Variants in CUL1 observed in about 807,000 individuals in gnomAD.
CUL1 encodes cullin 1.
CUL1 carries 24 observed loss-of-function variants against 118.0 expected under a neutral mutation model. The observed-to-expected ratio is 0.20, with a 90% CI of 0.15 to 0.29. CUL1 has a LOEUF of 0.29. Ranked by LOEUF, CUL1 falls within the 10% of genes least tolerant of loss-of-function variation. CUL1 has a pLI of 1.00. For synonymous variants in CUL1, 332 were observed against 340.4 expected (o/e 0.98, Z 0.27); for missense variants, 361 against 933.8 (o/e 0.39, Z 7.99).
chr7:148,774,998 A>G lies in CUL1; in HGVS notation c.1083+7249A>G, dbSNP rs7794811. 7.2e-3 allele frequency among the ~76,000 whole-genome samples: 1,092 copies of G among 152,334 alleles called. 21 individuals carry two copies. The highest frequency in any genetic ancestry group is 0.023 in the African/African-American group (960 of 41,576). On this transcript the variant is annotated intron_variant, in intron 9 of 21. Transcript: ENST00000325222. Reference sequence around the variant, plus strand: ...GGTAGCTCCGGCAAGTTATTTTTCAATGGAAGACTAAGGGGTAGATCCGAG... The same window carrying G: ...GGTAGCTCCGGCAAGTTATTTTTCAGTGGAAGACTAAGGGGTAGATCCGAG...
At position 148,757,392 on chromosome 7, in the gene CUL1, C is replaced by A. The variant is rs570763256; in HGVS notation, c.483+242C>A. ...TTCTGCATTTGCTTTTTAAAAATTT[C>A]TTCTTTAATTACCTGACCCTACCAT... On this transcript the variant is annotated intron_variant, in intron 4 of 21. Transcript: ENST00000325222. Among the ~76,000 whole-genome samples the A allele has an allele frequency of 1.1e-4, 17 of 152,168 alleles. No homozygotes were observed. The East Asian group carries it at 2.3e-3, about 21-fold the overall frequency.
intron 1 of CUL1, among the ~76,000 whole-genome samples, chr7:148,723,907 A>G (rs913415021): frequency 2.6e-5 from 4 of 152,006 alleles, no homozygotes; most frequent in Non-Finnish European, 4.4e-5. Flanking sequence ...AGTTTGAGGG[A>G]AGATGTTTTA....
rs771024243 is a variant in CUL1, at chr7:148,757,150, G to A, written c.483G>A (p.Ser161=). Residue 161 remains serine, a splice_region_variant and synonymous_variant, in exon 4 of 22, where the codon TCG becomes TCA. Transcript: ENST00000325222. ...EGRKGIYEIY[S]LALVTWRDCL... ...GAAAAGGAATATATGAAATCTATTCGGTAAGAGTTTTGTTTTAAAACGTTT... is the reference window on the plus strand; with the variant it reads ...GAAAAGGAATATATGAAATCTATTCAGTAAGAGTTTTGTTTTAAAACGTTT... 1.0e-5 allele frequency: 15 copies of A among 1,494,418 alleles called. No individual in the cohort carries two copies. The highest frequency in any genetic ancestry group is 2.5e-5 in the East Asian group (1 of 40,378). The allele number at this position is 1,494,418 out of a possible 1,614,324, so 92.6% of individuals were successfully genotyped here. A position where few individuals can be genotyped will look rare whatever the true frequency, so the allele number is the denominator to read the frequency against.
intron 12 of CUL1, 114 bp downstream of exon 12, chr7:148,786,713 T>A (rs932725032): frequency 1.0e-6 from 1 of 956,352 alleles, no homozygotes; most frequent in African/African-American, 1.7e-5. Flanking sequence ...TTGATTTTAT[T>A]TTGAATCTCT....
At chr7:148,725,200 C>T (rs1028289194) in intron 1 of CUL1, among the ~76,000 whole-genome samples, 1 of 120,158 alleles carries the variant, frequency 8.3e-6, no homozygotes, top group South Asian at 2.7e-4. Flanking sequence ...CGCGCGTGTA[C>T]ACACACACAC....
chr7:148,708,909 A>G lies in CUL1; in HGVS notation c.-162+9880A>G, dbSNP rs959914230. ...AAATTATAAATGTTGGAATTTTTCT[A>G]TTGATAAGGCTAACTTGTGGAAAAC... On this transcript the variant is annotated intron_variant, in intron 1 of 21. Coordinates refer to ENST00000325222, the MANE Select transcript of CUL1 (RefSeq NM_003592.3). Among the ~76,000 whole-genome samples the G allele has an allele frequency of 3.3e-5, 5 of 152,242 alleles. No individual in the cohort carries two copies. The South Asian group carries it at 8.3e-4, about 25-fold the overall frequency.
In CUL1 at chr7:148,766,779, T is replaced by C. The variant is rs998966666; in HGVS notation, c.952+56T>C. Reference sequence around the variant, plus strand: ...TTTATAATTATCTGTAGTTTTGATATTGCTTTTGATTCTAGACTCTCGAGT... The same window carrying C: ...TTTATAATTATCTGTAGTTTTGATACTGCTTTTGATTCTAGACTCTCGAGT... On this transcript the variant is annotated intron_variant, in intron 8 of 21. Transcript: ENST00000325222. 48 of 1,437,258 alleles carry C rather than the reference T, an allele frequency of 3.3e-5. 1 individual carries two copies. The highest frequency in any genetic ancestry group is 1.1e-4 in the South Asian group (8 of 75,894). 89.0% of individuals were successfully genotyped at this position (1,437,258 alleles called of 1,614,324 possible).
chr7:148,704,112 C>T (rs1182010468), intron 1 of CUL1, among the ~76,000 whole-genome samples: 2 of 152,010 alleles, frequency 1.3e-5, no homozygotes, highest in South Asian at 2.1e-4. Flanking sequence ...AATTTACTTT[C>T]CTTACTGTAA....
At chr7:148,781,703 T>A (rs1800640812) in intron 9 of CUL1, among the ~76,000 whole-genome samples, 1 of 151,764 alleles carries the variant, frequency 6.6e-6, no homozygotes, top group African/African-American at 2.4e-5. Flanking sequence ...AGCAAGAGCG[T>A]GAGTAAGTTG....
upstream of CUL1, chr7:148,698,195 C>A (rs13225743): frequency 0.16 from 23,857 of 152,172 alleles, 2,030 homozygotes; most frequent in East Asian, 0.26. Context: ...CGCGCCGATT[C>A]GGAGGGCCAC....
intron 2 of CUL1, among the ~76,000 whole-genome samples, chr7:148,747,471 C>T (rs955697906): frequency 6.6e-6 from 1 of 152,078 alleles, no homozygotes; most frequent in African/African-American, 2.4e-5. Flanking sequence ...GGTAGGCTGG[C>T]CGGTAGGGGT....
intron 17 of CUL1, among the ~76,000 whole-genome samples, chr7:148,793,911 A>G (rs1158163093): frequency 6.6e-6 from 1 of 152,096 alleles, no homozygotes; most frequent in Admixed American, 6.6e-5. Context: ...AACATTTGTT[A>G]TTTTCATTTT....
At chr7:148,724,439 G>T (rs1018368974) in intron 1 of CUL1, among the ~76,000 whole-genome samples, 12 of 152,170 alleles carry the variant, frequency 7.9e-5, no homozygotes, top group African/African-American at 2.7e-4. Flanking sequence ...TGTGGCGCGT[G>T]TGTGTGTCTG....
intron 2 of CUL1, among the ~76,000 whole-genome samples, chr7:148,734,157 C>A (rs939261127): frequency 2.6e-5 from 4 of 152,184 alleles, no homozygotes; most frequent in Non-Finnish European, 5.9e-5. Context: ...CTTAAGCCAT[C>A]ACTCTTCACT....
intron 1 of CUL1, among the ~76,000 whole-genome samples, chr7:148,723,961 T>G (rs905934943): frequency 1.3e-5 from 2 of 152,196 alleles, no homozygotes; most frequent in Admixed American, 1.3e-4. Flanking sequence ...CGTTCACTTA[T>G]CAAGACCTCT....
intron 9 of CUL1, among the ~76,000 whole-genome samples, chr7:148,780,008 G>A (rs1291173772): frequency 6.6e-6 from 1 of 152,210 alleles, no homozygotes; most frequent in East Asian, 1.9e-4. Context: ...CAGACTCCAG[G>A]TTCTTCAGTT....
At chr7:148,751,869 G>GT (rs1313252443) in intron 2 of CUL1, among the ~76,000 whole-genome samples, 1 of 152,118 alleles carries the variant, frequency 6.6e-6, no homozygotes, top group Admixed American at 6.6e-5. Flanking sequence ...AATCCCAGCA[G>GT]TTTGGGAGGC....
At chr7:148,795,015 T>C (rs546161543) in intron 17 of CUL1, among the ~76,000 whole-genome samples, 85 of 152,096 alleles carry the variant, frequency 5.6e-4, no homozygotes, top group African/African-American at 2.0e-3. Context: ...GTATTTTTAG[T>C]ACAGACAGGG....
intron 7 of CUL1, among the ~76,000 whole-genome samples, chr7:148,765,489 G>A (rs1050237139): frequency 2.0e-5 from 3 of 152,228 alleles, no homozygotes; most frequent in Admixed American, 1.3e-4. Context: ...AGTTAGCCGG[G>A]TATGGCGGCA....
Sources: allele counts gnomAD v4.1 joint callset (sites outside exome capture counted in the v4.1 genomes callset), GRCh38; gene constraint gnomAD v4.1.1; transcripts MANE v1.5; gene names NCBI Gene and HGNC (gene_info 2026-07-23, HGNC 2026-07-21).